The following SH3KBP1 variants were observed in gnomAD, a reference collection of about 807,000 sequenced individuals.
SH3KBP1 encodes SH3 domain-containing kinase-binding protein 1.
In SH3KBP1, 8 loss-of-function variants were observed where a neutral mutation model predicts 50.1. The observed-to-expected ratio is 0.16, with a 90% CI of 0.09 to 0.29. The LOEUF (loss-of-function observed/expected upper bound fraction) is 0.29. Ranked by LOEUF, SH3KBP1 falls within the 10% of genes least tolerant of loss-of-function variation. The pLI is 1.00. For synonymous variants in SH3KBP1, 227 were observed against 218.6 expected, an observed-to-expected ratio of 1.04 and a Z score of -0.34; for missense variants, 377 against 535.2, an observed-to-expected ratio of 0.70 and a Z score of 2.92.
chrX:19,609,110 C>T (rs1011173184), intron 8 of SH3KBP1, among the ~76,000 whole-genome samples: 1 of 112,626 alleles, frequency 8.9e-6, no homozygotes, highest in Non-Finnish European at 1.9e-5. Context: ...CTAATGGCCT[C>T]GTGGTTCTCC....
intron 8 of SH3KBP1, among the ~76,000 whole-genome samples, chrX:19,618,385 CAAAAAAAAAAA>C (rs1169013925): frequency 1.6e-4 from 3 of 18,217 alleles, no homozygotes; most frequent in Admixed American, 6.7e-4. Flanking sequence ...GACTCTGTCT[CAAAAAAAAAAA>C]AAAAAAAAAA....
chrX:19,583,125 C>CCTT lies in SH3KBP1; in HGVS notation c.1298+5517_1298+5518insAAG, dbSNP rs767645389. Among the ~76,000 whole-genome samples, 22 of 95,148 alleles carry CCTT rather than the reference C, an allele frequency of 2.3e-4. No individual in the cohort carries two copies. In the South Asian group the frequency reaches 4.0e-3, roughly 17 times the overall value. The allele number at this position is 95,148 out of a possible 115,157, so 82.6% of individuals were successfully genotyped here. ...CCATTTTTATTCAATTGCTAATACA[C>CCTT]ATTATTATTATTATTATTATTATTA... On this transcript the variant is annotated intron_variant, in intron 12 of 17. Transcript: ENST00000397821.
At chrX:19,849,051 C>A (rs1376353034) in intron 1 of SH3KBP1, among the ~76,000 whole-genome samples, 1 of 110,548 alleles carries the variant, frequency 9.0e-6, no homozygotes, top group Non-Finnish European at 1.9e-5. Flanking sequence ...CTCAAATGAT[C>A]CTCTGGCATC....
At chrX:19,599,099 C>G (rs188577154) in intron 9 of SH3KBP1, among the ~76,000 whole-genome samples, 26 of 111,494 alleles carry the variant, frequency 2.3e-4, no homozygotes, top group Admixed American at 2.2e-3. Context: ...TTCTTCCCAG[C>G]CAAGTCCCAA....
chrX:19,720,763 A>G (rs992470030), intron 3 of SH3KBP1, among the ~76,000 whole-genome samples: 1 of 111,303 alleles, frequency 9.0e-6, no homozygotes, highest in Non-Finnish European at 1.9e-5. Context: ...AGGAGAGGAG[A>G]AAAAAAGACA....
intron 3 of SH3KBP1, among the ~76,000 whole-genome samples, chrX:19,709,526 T>C (rs2063729040): frequency 8.9e-6 from 1 of 112,288 alleles, no homozygotes; most frequent in Non-Finnish European, 1.9e-5. Context: ...TTCCTTAGCC[T>C]AAGTTCATAG....
At chrX:19,640,609 T>C (rs1429381729) in intron 7 of SH3KBP1, among the ~76,000 whole-genome samples, 1 of 109,229 alleles carries the variant, frequency 9.2e-6, no homozygotes, top group African/African-American at 3.3e-5. Flanking sequence ...GCCTTGTCCC[T>C]GGTGGTCTTG....
At chrX:19,624,610 G>A (rs920890366) in intron 8 of SH3KBP1, among the ~76,000 whole-genome samples, 3 of 111,918 alleles carry the variant, frequency 2.7e-5, no homozygotes, top group African/African-American at 6.5e-5. Flanking sequence ...CCATCCTCAT[G>A]TAATTTAAAA....
chrX:19,778,012 G>T (rs1051107181), intron 2 of SH3KBP1, among the ~76,000 whole-genome samples: 1 of 111,344 alleles, frequency 9.0e-6, no homozygotes, highest in African/African-American at 3.3e-5. Flanking sequence ...CACCCCGTGT[G>T]GGGGCAGGGA....
At chrX:19,730,253 A>C (rs1471378227) in intron 3 of SH3KBP1, among the ~76,000 whole-genome samples, 1 of 111,865 alleles carries the variant, frequency 8.9e-6, no homozygotes, top group Non-Finnish European at 1.9e-5. Context: ...AGTTGGGAGA[A>C]TCACTAGAGG....
chrX:19,677,377 CAG>C (rs2062953558), intron 6 of SH3KBP1, among the ~76,000 whole-genome samples: 1 of 111,570 alleles, frequency 9.0e-6, no homozygotes, highest in African/African-American at 3.3e-5. Context: ...AGGTGGGAGA[CAG>C]AGGTACCACC....
chrX:19,685,445 T>C (rs1299726407), intron 5 of SH3KBP1, among the ~76,000 whole-genome samples: 1 of 111,307 alleles, frequency 9.0e-6, no homozygotes, highest in Non-Finnish European at 1.9e-5. Flanking sequence ...GCCAAAAGGG[T>C]GGGGGAGGAG....
At chrX:19,636,246 A>AT (rs1271361541) in intron 7 of SH3KBP1, among the ~76,000 whole-genome samples, 1 of 111,270 alleles carries the variant, frequency 9.0e-6, no homozygotes, top group Non-Finnish European at 1.9e-5. Flanking sequence ...ATGAATTAGC[A>AT]TAAGACTGAA....
At chrX:19,840,599 C>T (rs1017366053) in intron 1 of SH3KBP1, among the ~76,000 whole-genome samples, 2 of 111,918 alleles carry the variant, frequency 1.8e-5, no homozygotes, top group Non-Finnish European at 3.8e-5. Context: ...AAAATTATAT[C>T]ACAAGAGCCC....
intron 6 of SH3KBP1, among the ~76,000 whole-genome samples, chrX:19,651,681 G>A (rs774132729): frequency 1.8e-5 from 2 of 112,154 alleles, no homozygotes; most frequent in Non-Finnish European, 3.8e-5. Flanking sequence ...ATTCACAGCT[G>A]CTGTAGAAGC....
intron 3 of SH3KBP1, chrX:19,740,749 A>G (rs2064741494): frequency 3.1e-6 from 1 of 326,644 alleles, no homozygotes; most frequent in Non-Finnish European, 6.2e-6. Context: ...TTTCTTTACT[A>G]AGGACATACT....
chrX:19,817,879 C>T, intron 2 of SH3KBP1, among the ~76,000 whole-genome samples: 1 of 112,053 alleles, frequency 8.9e-6, no homozygotes, highest in Middle Eastern at 4.6e-3. Context: ...AAGTGATCCA[C>T]CCACCTTGGC....
chrX:19,853,120 C>G (rs780608547), intron 1 of SH3KBP1, among the ~76,000 whole-genome samples: 5 of 112,625 alleles, frequency 4.4e-5, no homozygotes, highest in Non-Finnish European at 9.4e-5. Flanking sequence ...TTTCTTTTAT[C>G]TCTGTCTCTG....
intron 15 of SH3KBP1, among the ~76,000 whole-genome samples, chrX:19,542,555 C>T (rs781727545): frequency 3.6e-5 from 4 of 111,464 alleles, no homozygotes; most frequent in African/African-American, 9.8e-5. Flanking sequence ...CCCAGTGGGG[C>T]GCAGACAGAC....
Sources: allele counts gnomAD v4.1 joint callset (sites outside exome capture counted in the v4.1 genomes callset), GRCh38; gene constraint gnomAD v4.1.1; transcripts MANE v1.5; gene names NCBI Gene and HGNC (gene_info 2026-07-23, HGNC 2026-07-21).